The following CCDC91 variants were observed in gnomAD, a reference collection of about 807,000 sequenced individuals.
CCDC91 encodes the protein coiled-coil domain-containing protein 91.
Under a neutral mutation model 63.2 loss-of-function variants are expected in CCDC91, and 48 were observed. That is an observed-to-expected ratio of 0.76 (90% CI 0.60 to 0.97). The LOEUF (loss-of-function observed/expected upper bound fraction) is 0.97. Ranked by LOEUF, CCDC91 falls within the 50% of genes least tolerant of loss-of-function variation. CCDC91 has a pLI of 0.00. For missense variants in CCDC91, 500 were observed against 494.6 expected (o/e 1.01, Z -0.10); for synonymous variants, 167 against 165.8 (o/e 1.01, Z -0.06).
At chr12:28,341,373 C>T (rs1335338451) in intron 6 of CCDC91, among the ~76,000 whole-genome samples, 1 of 152,162 alleles carries the variant, frequency 6.6e-6, no homozygotes, top group Non-Finnish European at 1.5e-5. Flanking sequence ...CCCTTCCCAT[C>T]CCAGCACTTT....
intron 11 of CCDC91, among the ~76,000 whole-genome samples, chr12:28,471,078 G>T (rs1347776039): frequency 3.9e-5 from 6 of 152,120 alleles, no homozygotes; most frequent in African/African-American, 1.4e-4. Flanking sequence ...ACTATCTCAT[G>T]AAAGTAAATC....
In CCDC91 at chr12:28,208,961, C is replaced by T. The variant is rs182087415; in HGVS notation, c.-15+18320C>T. ...GACTACAGGTGCCTGCCACCATGCC[C>T]GGCTAATTTTTTTTTTTTGTATTTT... On this transcript the variant is annotated intron_variant, in intron 1 of 12. Transcript: ENST00000536442. Among the ~76,000 whole-genome samples, 14 of 151,880 alleles carry T rather than the reference C, an allele frequency of 9.2e-5. 1 individual carries two copies. Among genetic ancestry groups the T allele is most frequent in the African/African-American group, 2.7e-4 (11 of 41,374 alleles).
chr12:28,322,725 T>C (rs766542976), intron 6 of CCDC91, among the ~76,000 whole-genome samples: 11 of 151,756 alleles, frequency 7.2e-5, no homozygotes, highest in Non-Finnish European at 1.5e-4. Context: ...AAGATGCCTA[T>C]AATTTTATAC....
At chr12:28,311,843 G>T (rs994901142) in intron 6 of CCDC91, among the ~76,000 whole-genome samples, 1 of 151,768 alleles carries the variant, frequency 6.6e-6, no homozygotes, top group Non-Finnish European at 1.5e-5. Context: ...TGGGGCTTTT[G>T]TGCCTGTTGG....
intron 3 of CCDC91, among the ~76,000 whole-genome samples, chr12:28,289,459 G>T (rs1308150563): frequency 6.6e-6 from 1 of 152,002 alleles, no homozygotes; most frequent in East Asian, 1.9e-4. Context: ...TTCAGGAGCA[G>T]GTTATTCAAT....
chr12:28,401,336 A>G (rs2139509706), intron 8 of CCDC91, among the ~76,000 whole-genome samples: 1 of 152,316 alleles, frequency 6.6e-6, no homozygotes, highest in African/African-American at 2.4e-5. Flanking sequence ...AAAGCCCCTT[A>G]TAAAACCATC....
chr12:28,289,518 A>G (rs181786304), intron 3 of CCDC91, among the ~76,000 whole-genome samples: 90 of 151,858 alleles, frequency 5.9e-4, no homozygotes, highest in Non-Finnish European at 1.1e-3. Flanking sequence ...TTTGAATTCT[A>G]TTTTTATTGC....
In CCDC91 at chr12:28,492,339, A is replaced by T. The variant is rs1286785303; in HGVS notation, c.1215+8174A>T. ...CCTTATCCTAGTATTCTTAATAATGATACATATTTGTTTAGCAACTGAAAT... is the reference window on the plus strand; with the variant it reads ...CCTTATCCTAGTATTCTTAATAATGTTACATATTTGTTTAGCAACTGAAAT... On this transcript the variant is annotated intron_variant, in intron 12 of 12. Coordinates refer to ENST00000536442, the MANE Select transcript of CCDC91 (RefSeq NM_018318.5). Among the ~76,000 whole-genome samples, 7 of 151,814 alleles carry T rather than the reference A, an allele frequency of 4.6e-5. No individual in the cohort carries two copies. The Admixed American group carries it at 4.6e-4, about 10-fold the overall frequency.
At chr12:28,338,038 T>C (rs983721687) in intron 6 of CCDC91, among the ~76,000 whole-genome samples, 1 of 152,170 alleles carries the variant, frequency 6.6e-6, no homozygotes, top group Admixed American at 6.5e-5. Context: ...AAGTCTTGAA[T>C]TTACAGTCTA....
chr12:28,250,875 G>T (rs534285869), intron 1 of CCDC91, among the ~76,000 whole-genome samples: 13 of 151,990 alleles, frequency 8.6e-5, no homozygotes, highest in Admixed American at 7.2e-4. Flanking sequence ...CAATAAGCCT[G>T]AAATTCTGTT....
At chr12:28,277,676 CT>C (rs1202910999) in intron 3 of CCDC91, among the ~76,000 whole-genome samples, 1 of 151,954 alleles carries the variant, frequency 6.6e-6, no homozygotes, top group Non-Finnish European at 1.5e-5. Flanking sequence ...AACCCTCCTC[CT>C]TTTTTTCACT....
chr12:28,192,343 G>A (rs965333232), intron 1 of CCDC91, among the ~76,000 whole-genome samples: 8 of 152,172 alleles, frequency 5.3e-5, no homozygotes, highest in African/African-American at 1.9e-4. Context: ...AGTAGAAGAC[G>A]GAGTGGGAGT....
intron 1 of CCDC91, among the ~76,000 whole-genome samples, chr12:28,244,218 A>G (rs755806521): frequency 6.6e-6 from 1 of 152,192 alleles, no homozygotes; most frequent in Non-Finnish European, 1.5e-5. Context: ...GCATAAATTC[A>G]TGATAAGAAT....
chr12:28,513,046 T>A (rs1939552159), intron 12 of CCDC91, among the ~76,000 whole-genome samples: 1 of 151,876 alleles, frequency 6.6e-6, no homozygotes, highest in Admixed American at 6.6e-5. Flanking sequence ...CCCTCAAAGG[T>A]ATGCTTGGCA....
Position 28,484,066 on chromosome 12 carries a change from A to C in CCDC91, c.1116A>C (p.Ala372=), listed in dbSNP as rs1181674819. 2 of 1,610,396 alleles carry C rather than the reference A, an allele frequency of 1.2e-6. No individual in the cohort carries two copies. Among genetic ancestry groups the C allele is most frequent in the Non-Finnish European group, 1.7e-6 (2 of 1,178,050 alleles). Reference sequence around the variant, plus strand: ...CCCACAAACAGGAAACTGTTAAGGCAGCAATAATAGAAGAGCAGAAACGAA... The same window carrying C: ...CCCACAAACAGGAAACTGTTAAGGCCGCAATAATAGAAGAGCAGAAACGAA... The part of the protein sequence containing the change: ...QRKISQETVK[A]AIIEEQKRSE... Residue 372 remains alanine (A), a synonymous_variant, in exon 12 of 13, where the codon GCA becomes GCC. Transcript: ENST00000536442.
chr12:28,412,648 C>A, intron 8 of CCDC91: 1 of 398,360 alleles, frequency 2.5e-6, no homozygotes. Context: ...AAGGACAAAG[C>A]TTCCAGAGCA....
intron 9 of CCDC91, 26 bp downstream of exon 9, chr12:28,450,279 G>T: frequency 6.3e-7 from 1 of 1,581,414 alleles, no homozygotes. Context: ...TGCTCAGAGT[G>T]TAGAAAGAAT....
rs139435740 is a variant in CCDC91 at position 28,429,303 on chromosome 12, C to A, written c.763-20858C>A. On this transcript the variant is annotated intron_variant, in intron 8 of 12. Coordinates refer to ENST00000536442, the MANE Select transcript of CCDC91 (RefSeq NM_018318.5). ...CACAGTCAAGTTTTAATCCAGTATT[C>A]TTTCTACTTTATATTTAGGCAGACA... 7.9e-5 allele frequency among the ~76,000 whole-genome samples: 12 copies of A among 152,230 alleles called. No individual in the cohort carries two copies. The East Asian group carries it at 2.1e-3, about 27-fold the overall frequency.
intron 12 of CCDC91, among the ~76,000 whole-genome samples, chr12:28,525,787 A>G (rs1941207650): frequency 6.6e-6 from 1 of 151,504 alleles, no homozygotes; most frequent in South Asian, 2.1e-4. Flanking sequence ...GATCTCCCAA[A>G]TTTATATATT....
Sources: gnomAD v4.1 joint callset for allele counts (sites outside exome capture counted in the v4.1 genomes callset) on GRCh38, gnomAD v4.1.1 for gene constraint, MANE v1.5 for transcripts, NCBI Gene and HGNC (gene_info 2026-07-23, HGNC 2026-07-21) for gene names.